DGKA: variants seen among roughly 807,000 people sequenced by gnomAD.
DGKA encodes 80 kDa diacylglycerol kinase.
In DGKA, 35 loss-of-function variants were observed where a neutral mutation model predicts 105.0. That is an observed-to-expected ratio of 0.33 (90% CI 0.25 to 0.44). The LOEUF (loss-of-function observed/expected upper bound fraction) is 0.44, where lower values mean the gene tolerates loss of function less well. Among genes scored for constraint, DGKA ranks in the 20% least tolerant of loss-of-function variants. DGKA has a pLI of 1.00. For synonymous variants in DGKA, 296 were observed against 332.0 expected, an observed-to-expected ratio of 0.89 and a Z score of 1.18; for missense variants, 665 against 915.0, an observed-to-expected ratio of 0.73 and a Z score of 3.53.
chr12:55,934,389 T>G (rs1192716730), intron 1 of DGKA, among the ~76,000 whole-genome samples: 1 of 152,154 alleles, frequency 6.6e-6, no homozygotes, highest in Admixed American at 6.5e-5. Context: ...CTATGGTCAT[T>G]GAAAAGTGCC....
At chr12:55,936,835 C>G in intron 2 of DGKA, 182 bp from the exon 3 acceptor site, 1 of 808,846 alleles carries the variant, frequency 1.2e-6, no homozygotes, top group Non-Finnish European at 2.1e-6. Flanking sequence ...CTCCAGCTCT[C>G]AGAGAAGAGG....
intron 17 of DGKA, among the ~76,000 whole-genome samples, chr12:55,947,435 C>T (rs1219109997): frequency 1.3e-5 from 2 of 152,194 alleles, no homozygotes; most frequent in Admixed American, 1.3e-4. Flanking sequence ...GCTGTTCCTC[C>T]ATGTTTTACT....
Position 55,932,678 on chromosome 12 carries a change from G to A in DGKA, c.-82+1334G>A, listed in dbSNP as rs1883848150. The stretch of plus-strand genomic sequence containing the variant: ...GTATCGTAACTTCCTCCTATACTAC[G>A]CAATGACACCCTCTACACACACACA... On this transcript the variant is annotated intron_variant, in intron 1 of 23. Coordinates refer to ENST00000331886, the MANE Select transcript of DGKA (RefSeq NM_001345.5). The surrounding 1 kb of genome is among the most constrained non-coding windows in gnomAD (Gnocchi z 4.3). 5 of 674,906 alleles carry A rather than the reference G, an allele frequency of 7.4e-6. No homozygotes were observed. The highest frequency in any genetic ancestry group is 1.5e-5 in the South Asian group (1 of 65,234). 41.8% of individuals were successfully genotyped at this position (674,906 alleles called of 1,614,324 possible).
chr12:55,927,742 G>A, upstream of DGKA: 1 of 1,539,920 alleles, frequency 6.5e-7, no homozygotes, highest in Non-Finnish European at 8.7e-7. Context: ...CGTAGCCGCA[G>A]GGCTGCCGGC....
chr12:55,951,949 G>A (rs1888234576), intron 18 of DGKA, 86 bp from the exon 19 acceptor site: 1 of 1,526,418 alleles, frequency 6.6e-7, no homozygotes, highest in Non-Finnish European at 9.1e-7. Flanking sequence ...CATGCTGTGG[G>A]GAGCAGCATG....
At position 55,940,231 on chromosome 12, in the gene DGKA, T is replaced by C; in HGVS notation, c.798+61T>C. 6.2e-7 allele frequency: 1 copy of C among 1,613,842 alleles called. No homozygotes were observed. On this transcript the variant is annotated intron_variant, in intron 10 of 23. Coordinates refer to ENST00000331886, the MANE Select transcript of DGKA (RefSeq NM_001345.5). The surrounding 1 kb of genome is among the most constrained non-coding windows in gnomAD (Gnocchi z 4.3). ...TACATCCTGGCCCTGGCCCTGGCCCTTGGCCCATTGCTGCCCTCAGCCCCT... is the reference window on the plus strand; with the variant it reads ...TACATCCTGGCCCTGGCCCTGGCCCCTGGCCCATTGCTGCCCTCAGCCCCT...
rs1885974440 is a variant in DGKA, at chr12:55,941,466, C to A, written c.1176-44C>A. The stretch of plus-strand genomic sequence containing the variant: ...AGGGTGAGGTTCAGAAGATCACCCC[C>A]AACCCCCGCGCCTGCCATGAACTTT... On this transcript the variant is annotated intron_variant, in intron 14 of 23. Coordinates refer to ENST00000331886, the MANE Select transcript of DGKA (RefSeq NM_001345.5). 3.1e-6 allele frequency: 5 copies of A among 1,607,418 alleles called. No homozygotes were observed. In the South Asian group the frequency reaches 5.5e-5, roughly 18 times the overall value.
At chr12:55,953,284 C>T in intron 22 of DGKA, 66 bp from the exon 23 acceptor site, 2 of 1,612,062 alleles carry the variant, frequency 1.2e-6, no homozygotes, top group Non-Finnish European at 1.7e-6. Context: ...TCAAAGCCAA[C>T]CTAAGAAGCA....
intron 17 of DGKA, among the ~76,000 whole-genome samples, chr12:55,947,054 C>T (rs1887182603): frequency 6.9e-6 from 1 of 145,872 alleles, no homozygotes; most frequent in Non-Finnish European, 1.5e-5. Flanking sequence ...GGCGCGATCT[C>T]GGCTCATTGC....
chr12:55,932,758 G>A lies in DGKA; in HGVS notation c.-82+1414G>A. The A allele has an allele frequency of 1.7e-6, 1 of 600,488 alleles. No individual in the cohort carries two copies. The highest frequency in any genetic ancestry group is 3.0e-6 in the Non-Finnish European group (1 of 331,634). 37.2% of individuals were successfully genotyped at this position (600,488 alleles called of 1,614,324 possible). A position where few individuals can be genotyped will look rare whatever the true frequency, so the allele number is the denominator to read the frequency against. ...ACACACACAACCCCCTCAGCCAGGT[G>A]TAGCACTGCAGTCTTCAGTGTTTGT... On this transcript the variant is annotated intron_variant, in intron 1 of 23. Transcript: ENST00000331886. This position sits in a 1 kb window ranked among gnomAD's most constrained non-coding sequence, Gnocchi z 4.3.
At chr12:55,937,906 G>T in intron 4 of DGKA, 72 bp from the exon 5 acceptor site, 1 of 1,339,654 alleles carries the variant, frequency 7.5e-7, no homozygotes, top group South Asian at 1.2e-5. Flanking sequence ...GGGAGAGGTG[G>T]GACAAACAAA....
chr12:55,936,285 A>T, intron 1 of DGKA, 138 bp from the exon 2 acceptor site: 1 of 965,646 alleles, frequency 1.0e-6, no homozygotes, highest in Non-Finnish European at 1.5e-6. Context: ...CAGGGAAAGG[A>T]AGATGTTTAG....
At position 55,939,484 on chromosome 12, in the gene DGKA, T is replaced by A; in HGVS notation, c.664T>A (p.Cys222Ser). The A allele has an allele frequency of 6.2e-7, 1 of 1,614,158 alleles. No homozygotes were observed. The highest frequency in any genetic ancestry group is 8.5e-7 in the Non-Finnish European group (1 of 1,180,030). Residue 222 changes from cysteine (C) to serine (S), a missense_variant, in exon 9 of 24, where the codon TGC (cysteine) becomes AGC (serine). This residue lies in a region of DGKA where 504 missense variants were observed against 681.2 expected (regional missense o/e 0.74). Transcript: ENST00000331886. ...RFPRPVYCNL[C>S]ESSIGLGKQG... ...CCCCAGACCAGTCTACTGCAATCTG[T>A]GCGAGTCAAGCATTGGTCTTGGCAA...
chr12:55,953,786 T>C lies in DGKA; in HGVS notation c.*18T>C. On this transcript the variant is annotated 3_prime_UTR_variant, in exon 24 of 24. Transcript: ENST00000331886. ...TGAGCTAAGGGGGACACCCTTGGCCTCCAAGCCAGCCTTGAACCCACCTCC... is the reference window on the plus strand; with the variant it reads ...TGAGCTAAGGGGGACACCCTTGGCCCCCAAGCCAGCCTTGAACCCACCTCC... The C allele has an allele frequency of 1.2e-6, 2 of 1,612,136 alleles. No homozygotes were observed. The highest frequency in any genetic ancestry group is 1.7e-6 in the Non-Finnish European group (2 of 1,178,196).
chr12:55,932,865 A>G lies in DGKA; in HGVS notation c.-82+1521A>G, dbSNP rs1883930924. ...ACTAGCAGCAACGGTCAGGGAGAGG[A>G]GGAGGATACAGTCTATGATGTGATT... On this transcript the variant is annotated intron_variant, in intron 1 of 23. Transcript: ENST00000331886. The surrounding 1 kb of genome is among the most constrained non-coding windows in gnomAD (Gnocchi z 4.3). 2.2e-6 allele frequency: 1 copy of G among 458,456 alleles called. No individual in the cohort carries two copies. The highest frequency in any genetic ancestry group is 4.0e-6 in the Non-Finnish European group (1 of 250,372). The allele number at this position is 458,456 out of a possible 1,614,324, so 28.4% of individuals were successfully genotyped here. A position where few individuals can be genotyped will look rare whatever the true frequency, so the allele number is the denominator to read the frequency against.
Position 55,936,003 on chromosome 12 carries a change from C to G in DGKA, c.-81-420C>G, listed in dbSNP as rs938016549. The G allele has an allele frequency of 4.0e-6, 4 of 989,624 alleles. No homozygotes were observed. The African/African-American group carries it at 5.2e-5, about 13-fold the overall frequency. The allele number at this position is 989,624 out of a possible 1,614,324, so 61.3% of individuals were successfully genotyped here. On this transcript the variant is annotated intron_variant, in intron 1 of 23. Coordinates refer to ENST00000331886, the MANE Select transcript of DGKA (RefSeq NM_001345.5). ...CCGGAACTGCCGGAACTGCCGAAGA[C>G]CCGAGATGGGAGAGAGCTCAGGATG...
chr12:55,936,675 T>A, intron 2 of DGKA, 108 bp downstream of exon 2: 1 of 1,451,590 alleles, frequency 6.9e-7, no homozygotes, highest in Non-Finnish European at 9.6e-7. Context: ...CTTTGAGCAG[T>A]GTGCTGCTCA....
chr12:55,941,595 G>C lies in DGKA; in HGVS notation c.1250+11G>C. ...TGGTCCTGAGATAGGGTGAGCACAGGTTAGGGACTGTATCACAGTGTTTTC... is the reference window on the plus strand; with the variant it reads ...TGGTCCTGAGATAGGGTGAGCACAGCTTAGGGACTGTATCACAGTGTTTTC... On this transcript the variant is annotated intron_variant, in intron 15 of 23. Coordinates refer to ENST00000331886, the MANE Select transcript of DGKA (RefSeq NM_001345.5). 6.2e-7 allele frequency: 1 copy of C among 1,613,786 alleles called. No individual in the cohort carries two copies.
At chr12:55,928,877 C>T (rs915495284), upstream of DGKA, among the ~76,000 whole-genome samples, 1 of 151,812 alleles carries the variant, frequency 6.6e-6, no homozygotes, top group Non-Finnish European at 1.5e-5. Flanking sequence ...ATTTCCAGGC[C>T]GGGTGCGGTG....
Sources: gnomAD v4.1 joint callset for allele counts (sites outside exome capture counted in the v4.1 genomes callset) on GRCh38, gnomAD v4.1.1 for gene constraint, gnomAD v4.1.1 regional missense constraint, Gnocchi (gnomAD v3.1) non-coding constraint, MANE v1.5 for transcripts, NCBI Gene and HGNC (gene_info 2026-07-23, HGNC 2026-07-21) for gene names.